SLC43A1: variants seen among roughly 807,000 people sequenced by gnomAD.
SLC43A1 encodes the protein solute carrier family 43 member 1, also known as large neutral amino acids transporter small subunit 3.
Under a neutral mutation model 59.5 loss-of-function variants are expected in SLC43A1, and 31 were observed. The observed-to-expected ratio is 0.52, with a 90% CI of 0.39 to 0.70. The LOEUF (loss-of-function observed/expected upper bound fraction) is 0.70, where lower values mean the gene tolerates loss of function less well. Ranked by LOEUF, SLC43A1 falls within the 30% of genes least tolerant of loss-of-function variation. The pLI is 0.00. For synonymous variants in SLC43A1, 259 were observed against 290.9 expected, an observed-to-expected ratio of 0.89 and a Z score of 1.12; for missense variants, 598 against 717.8, an observed-to-expected ratio of 0.83 and a Z score of 1.91.
intron 7 of SLC43A1, among the ~76,000 whole-genome samples, chr11:57,495,005 C>A (rs541790176): frequency 9.9e-5 from 15 of 152,012 alleles, no homozygotes; most frequent in Admixed American, 9.8e-4. Context: ...TGCACCACCA[C>A]ACCCAGCTAA....
intron 7 of SLC43A1, 59 bp downstream of exon 7, chr11:57,495,972 T>C (rs1334899748): frequency 1.3e-6 from 2 of 1,578,430 alleles, no homozygotes; most frequent in Non-Finnish European, 8.6e-7. Context: ...ATTCCGTCTA[T>C]CATATCACCA....
chr11:57,515,117 G>C lies in SLC43A1; in HGVS notation c.-14+327C>G. ...GGAAGTACCAGTCACTTCTTCCAGG[G>C]GGACTCGGTATTCTCATCTGTGAAA... On this transcript the variant is annotated intron_variant, in intron 1 of 14. Coordinates refer to ENST00000278426, the MANE Select transcript of SLC43A1 (RefSeq NM_003627.6). This position sits in a 1 kb window ranked among gnomAD's most constrained non-coding sequence, Gnocchi z 5.3. The C allele has an allele frequency of 1.0e-6, 1 of 974,342 alleles. No individual in the cohort carries two copies. The highest frequency in any genetic ancestry group is 1.2e-6 in the Non-Finnish European group (1 of 819,890). The allele number at this position is 974,342 out of a possible 1,614,324, so 60.4% of individuals were successfully genotyped here.
intron 2 of SLC43A1, among the ~76,000 whole-genome samples, chr11:57,508,730 G>A (rs548281999): frequency 9.9e-5 from 15 of 152,104 alleles, no homozygotes; most frequent in South Asian, 2.1e-4. Flanking sequence ...GAAGTTCAAG[G>A]CTGCAGCAAT....
In SLC43A1 at chr11:57,514,100, C is replaced by A; in HGVS notation, c.12G>T (p.Thr4=). 1.3e-6 allele frequency: 2 copies of A among 1,591,984 alleles called. No individual in the cohort carries two copies. The highest frequency in any genetic ancestry group is 1.7e-6 in the Non-Finnish European group (2 of 1,169,824). Residue 4 remains threonine, a synonymous_variant, in exon 2 of 15, where the codon ACG becomes ACT. Transcript: ENST00000278426. This position sits in a 1 kb window ranked among gnomAD's most constrained non-coding sequence, Gnocchi z 5.5. ...AGCGCCTCCGGTACGCCTGTTGCAGCGTGGGGGCCATGCTGGCCCCGAGCC... is the reference window on the plus strand; with the variant it reads ...AGCGCCTCCGGTACGCCTGTTGCAGAGTGGGGGCCATGCTGGCCCCGAGCC... The part of the protein sequence containing the change: MAP[T]LQQAYRRRWW...
chr11:57,486,988 G>C, intron 14 of SLC43A1, 107 bp downstream of exon 14: 1 of 1,236,204 alleles, frequency 8.1e-7, no homozygotes, highest in Admixed American at 1.8e-5. Context: ...AGAGACCTCT[G>C]AGGTGCCTCT....
chr11:57,505,021 C>A (rs374403520), intron 2 of SLC43A1, among the ~76,000 whole-genome samples: 3 of 152,292 alleles, frequency 2.0e-5, no homozygotes, highest in Admixed American at 2.0e-4. Context: ...TTGGCATCAA[C>A]CCCCAACCCC....
At chr11:57,507,903 C>G (rs1218009371) in intron 2 of SLC43A1, among the ~76,000 whole-genome samples, 4 of 152,226 alleles carry the variant, frequency 2.6e-5, no homozygotes, top group Non-Finnish European at 5.9e-5. Context: ...ACCCTCATTT[C>G]ATTTTCACAA....
chr11:57,514,042 G>A lies in SLC43A1; in HGVS notation c.70C>T (p.Leu24Phe), dbSNP rs946336823. The A allele has an allele frequency of 4.4e-6, 7 of 1,609,090 alleles. No individual in the cohort carries two copies. The African/African-American group carries it at 9.4e-5, about 22-fold the overall frequency. ...WMACTAVLEN[L>F]FFSAVLLGWG... ...CCCAGGAGTACAGCAGAGAAGAAGA[G>A]GTTCTCCAGCACAGCCGTGCAGGCC... Residue 24 changes from leucine (L) to phenylalanine (F), a missense_variant, in exon 2 of 15, where the codon CTC becomes TTC. Physicochemically the swap from Leu to Phe is conservative, Grantham distance 22 (BLOSUM62 0). Coordinates refer to ENST00000278426, the MANE Select transcript of SLC43A1 (RefSeq NM_003627.6). The surrounding 1 kb of genome is among the most constrained non-coding windows in gnomAD (Gnocchi z 5.5).
At chr11:57,501,599 C>T (rs1354742103) in intron 2 of SLC43A1, among the ~76,000 whole-genome samples, 1 of 152,214 alleles carries the variant, frequency 6.6e-6, no homozygotes, top group Non-Finnish European at 1.5e-5. Flanking sequence ...TTGTAATATG[C>T]ACTCAGTGTC....
chr11:57,506,911 A>G (rs1264320612), intron 2 of SLC43A1, among the ~76,000 whole-genome samples: 1 of 152,234 alleles, frequency 6.6e-6, no homozygotes, highest in Non-Finnish European at 1.5e-5. Context: ...GTAGTTTGTG[A>G]TAAATTGAAC....
At chr11:57,503,300 T>TG (rs1358584155) in intron 2 of SLC43A1, among the ~76,000 whole-genome samples, 1 of 147,826 alleles carries the variant, frequency 6.8e-6, no homozygotes, top group African/African-American at 2.5e-5. Context: ...TCTACAGGTT[T>TG]TTTTTTTTTT....
chr11:57,491,894 C>T, intron 8 of SLC43A1, 32 bp from the exon 9 acceptor site: 2 of 1,608,072 alleles, frequency 1.2e-6, no homozygotes, highest in Non-Finnish European at 1.7e-6. Context: ...CCCCTGAGCC[C>T]CAGACCTTCC....
chr11:57,494,921 T>C (rs934280340), intron 7 of SLC43A1, among the ~76,000 whole-genome samples: 1 of 151,662 alleles, frequency 6.6e-6, no homozygotes, highest in Admixed American at 6.6e-5. Flanking sequence ...CGATCTCGGC[T>C]CACCGCAACC....
chr11:57,492,693 G>A (rs1197943559), intron 8 of SLC43A1, among the ~76,000 whole-genome samples: 1 of 123,754 alleles, frequency 8.1e-6, no homozygotes, highest in Non-Finnish European at 1.6e-5. Context: ...TTGCACTACC[G>A]CACTCCAGCC....
intron 2 of SLC43A1, among the ~76,000 whole-genome samples, chr11:57,508,274 A>G (rs1944439216): frequency 6.6e-6 from 1 of 151,706 alleles, no homozygotes; most frequent in Non-Finnish European, 1.5e-5. Context: ...CTCCAAAAAA[A>G]AAAAAGAAAA....
Position 57,513,943 on chromosome 11 carries a change from C to CCCCCCAATTT in SLC43A1, c.154+14_154+15insAAATTGGGGG. 6.9e-7 allele frequency: 1 copy of CCCCCCAATTT among 1,454,694 alleles called. No homozygotes were observed. Among genetic ancestry groups the CCCCCCAATTT allele is most frequent in the Non-Finnish European group, 9.5e-7 (1 of 1,051,340 alleles). 90.1% of individuals were successfully genotyped at this position (1,454,694 alleles called of 1,614,324 possible). A position where few individuals can be genotyped will look rare whatever the true frequency, so the allele number is the denominator to read the frequency against. On this transcript the variant is annotated intron_variant, in intron 2 of 14. Transcript: ENST00000278426. ...ATCCCTCCCCCCAGCCCACCCAGCC[C>CCCCCCAATTT]ATTTTCAGGCATACCTGGGCACGTG...
intron 2 of SLC43A1, among the ~76,000 whole-genome samples, chr11:57,512,038 T>TACTAAA (rs1454191545): frequency 6.6e-6 from 1 of 152,186 alleles, no homozygotes; most frequent in Non-Finnish European, 1.5e-5. Context: ...TTAAATTATA[T>TACTAAA]ACTTGAAATG....
chr11:57,507,790 A>C (rs1944425309), intron 2 of SLC43A1, among the ~76,000 whole-genome samples: 1 of 152,222 alleles, frequency 6.6e-6, no homozygotes, highest in African/African-American at 2.4e-5. Flanking sequence ...AGACTTGGAA[A>C]GAATGGAGAT....
At chr11:57,488,581 AC>A (rs1404759709) in intron 13 of SLC43A1, among the ~76,000 whole-genome samples, 1 of 152,218 alleles carries the variant, frequency 6.6e-6, no homozygotes, top group Non-Finnish European at 1.5e-5. Flanking sequence ...GGACTGTCCA[AC>A]ATGAAGAGGA....
Sources: allele counts gnomAD v4.1 joint callset (sites outside exome capture counted in the v4.1 genomes callset), GRCh38; gene constraint gnomAD v4.1.1; non-coding constraint Gnocchi (gnomAD v3.1); transcripts MANE v1.5; gene names NCBI Gene and HGNC (gene_info 2026-07-23, HGNC 2026-07-21).